SP140: variants seen among roughly 807,000 people sequenced by gnomAD.
The protein encoded by SP140 is SP140 nuclear body protein.
A neutral mutation model predicts 125.0 loss-of-function variants in SP140; 81 were observed. That is an observed-to-expected ratio of 0.65 (90% CI 0.54 to 0.78). The LOEUF is 0.78. Ranked by LOEUF, SP140 falls within the 30% of genes least tolerant of loss-of-function variation. The pLI is 0.00. For missense variants in SP140, 858 were observed against 1,037.0 expected, an observed-to-expected ratio of 0.83 and a Z score of 2.37; for synonymous variants, 312 against 354.0, an observed-to-expected ratio of 0.88 and a Z score of 1.33.
rs185671957 is a variant in SP140, at chr2:230,248,846, T to A, written c.893-39T>A. 5.2e-4 allele frequency: 805 copies of A among 1,535,008 alleles called. 2 individuals carry two copies. The highest frequency in any genetic ancestry group is 6.6e-4 in the Non-Finnish European group (729 of 1,108,946). On this transcript the variant is annotated intron_variant, in intron 8 of 26. Transcript: ENST00000392045. ...GAACACACTGAGGCCTGTGTCCAAG[T>A]CACCCTCTGTGGTCTGTCAATTTCT...
intron 6 of SP140, 81 bp downstream of exon 6, chr2:230,245,161 A>G: frequency 1.1e-6 from 1 of 879,644 alleles, no homozygotes; most frequent in Admixed American, 2.1e-5. Flanking sequence ...TTCTCTCTCC[A>G]CCACCAACCC....
intron 22 of SP140, among the ~76,000 whole-genome samples, chr2:230,298,380 A>G (rs1020649765): frequency 4.6e-5 from 7 of 152,186 alleles, no homozygotes; most frequent in African/African-American, 1.7e-4. Context: ...GGATGCTCAA[A>G]TAGTTTTATA....
chr2:230,208,863 C>A (rs1215333695), intron 1 of SP140, among the ~76,000 whole-genome samples: 1 of 152,056 alleles, frequency 6.6e-6, no homozygotes, highest in African/African-American at 2.4e-5. Flanking sequence ...AGAGGAAAGG[C>A]AGGTTTAAGA....
intron 3 of SP140, 123 bp downstream of exon 3, chr2:230,238,504 G>A: frequency 1.0e-6 from 1 of 972,168 alleles, no homozygotes; most frequent in Non-Finnish European, 1.5e-6. Context: ...CCAAGCCCAG[G>A]GGGAATATAA....
upstream of SP140, among the ~76,000 whole-genome samples, chr2:230,201,616 C>T (rs1384213096): frequency 1.3e-5 from 2 of 152,174 alleles, no homozygotes; most frequent in African/African-American, 4.8e-5. Context: ...AACTGAAGAG[C>T]ACATATAAAG....
intron 22 of SP140, among the ~76,000 whole-genome samples, chr2:230,299,424 G>T (rs1051522850): frequency 6.6e-6 from 1 of 152,208 alleles, no homozygotes; most frequent in African/African-American, 2.4e-5. Context: ...AGGAAGAGGT[G>T]CCTTCCCCAA....
chr2:230,202,476 C>T, upstream of SP140: 11 of 1,085,522 alleles, frequency 1.0e-5, no homozygotes, highest in Admixed American at 9.9e-5. Flanking sequence ...GTACTTTTTC[C>T]TTTTACTATT....
At chr2:230,280,001 A>G (rs964804474) in intron 15 of SP140, among the ~76,000 whole-genome samples, 5 of 151,884 alleles carry the variant, frequency 3.3e-5, no homozygotes, top group African/African-American at 1.2e-4. Context: ...AATAATGTAC[A>G]TTTGAACTAT....
chr2:230,282,533 A>T (rs1344422683), intron 15 of SP140, among the ~76,000 whole-genome samples: 2 of 152,048 alleles, frequency 1.3e-5, no homozygotes, highest in Non-Finnish European at 2.9e-5. Flanking sequence ...GCAGCGGCTC[A>T]CTCATGTTAT....
At position 230,286,752 on chromosome 2, in the gene SP140, C is replaced by T. The variant is rs565820133; in HGVS notation, c.1645+920C>T. Among the ~76,000 whole-genome samples the T allele has an allele frequency of 1.2e-4, 19 of 152,252 alleles. No individual in the cohort carries two copies. In the South Asian group the frequency reaches 1.7e-3, roughly 13 times the overall value. On this transcript the variant is annotated intron_variant, in intron 17 of 26. Coordinates refer to ENST00000392045, the MANE Select transcript of SP140 (RefSeq NM_007237.5). ...TGGCCTGGTGCATTGTCCTAGGATG[C>T]GGGTGCTCAACTCAACCTACTTGCT...
intron 15 of SP140, among the ~76,000 whole-genome samples, chr2:230,276,122 T>G (rs1462050477): frequency 6.6e-6 from 1 of 152,210 alleles, no homozygotes; most frequent in Non-Finnish European, 1.5e-5. Flanking sequence ...GCCAAGATCC[T>G]AGATGAAGAT....
upstream of SP140, among the ~76,000 whole-genome samples, chr2:230,222,613 A>C (rs1246806207): frequency 6.6e-6 from 1 of 151,822 alleles, no homozygotes; most frequent in Non-Finnish European, 1.5e-5. Flanking sequence ...GGTCCCCGCT[A>C]TCAGGGAGAC....
intron 3 of SP140, chr2:230,239,017 A>G: frequency 1.4e-6 from 2 of 1,421,500 alleles, no homozygotes; most frequent in Non-Finnish European, 1.8e-6. Flanking sequence ...CCCTGTGCTA[A>G]GGAATCTGGA....
At chr2:230,196,504 A>G in the SP140 span, among the ~76,000 whole-genome samples, 2 of 151,970 alleles carry the variant, frequency 1.3e-5, no homozygotes, top group Non-Finnish European at 2.9e-5. Context: ...AGCAGATTAA[A>G]TAGATGTTTA....
At chr2:230,276,372 T>C (rs902191024) in intron 15 of SP140, among the ~76,000 whole-genome samples, 4 of 152,174 alleles carry the variant, frequency 2.6e-5, no homozygotes, top group Non-Finnish European at 5.9e-5. Flanking sequence ...CTACTCTGCC[T>C]ATGCTGTATA....
In SP140 at chr2:230,271,718, G is replaced by A. The variant is rs924868260; in HGVS notation, c.1498+1079G>A. 1.3e-5 allele frequency among the ~76,000 whole-genome samples: 2 copies of A among 152,092 alleles called. 1 individual carries two copies. Among genetic ancestry groups the A allele is most frequent in the South Asian group, 4.2e-4 (2 of 4,818 alleles). The stretch of plus-strand genomic sequence containing the variant: ...TATATTGAAGGAAGAGCTGCTAAAC[G>A]AAAAAGAATCAAGTCTTGATGATTT... On this transcript the variant is annotated intron_variant, in intron 15 of 26. Coordinates refer to ENST00000392045, the MANE Select transcript of SP140 (RefSeq NM_007237.5).
intron 16 of SP140, among the ~76,000 whole-genome samples, chr2:230,284,629 G>A (rs912742525): frequency 6.6e-6 from 1 of 152,216 alleles, no homozygotes; most frequent in Non-Finnish European, 1.5e-5. Flanking sequence ...ACAGTTAATA[G>A]GGAGGTGTTA....
intron 18 of SP140, 66 bp from the exon 19 acceptor site, chr2:230,290,394 A>G: frequency 7.2e-6 from 10 of 1,396,974 alleles, no homozygotes; most frequent in South Asian, 4.8e-5. Flanking sequence ...TATAGGAATT[A>G]CCTCAGTAGG....
chr2:230,307,990 T>TATATATATATATATATATAA (rs869070046), intron 22 of SP140, among the ~76,000 whole-genome samples: 4 of 52,638 alleles, frequency 7.6e-5, no homozygotes, highest in African/African-American at 1.5e-4. Flanking sequence ...TATATATATA[T>TATATATATATATATATATAA]ACACACACAC....
Sources: allele counts gnomAD v4.1 joint callset (sites outside exome capture counted in the v4.1 genomes callset), GRCh38; gene constraint gnomAD v4.1.1; transcripts MANE v1.5; gene names NCBI Gene and HGNC (gene_info 2026-07-23, HGNC 2026-07-21).